Variants in ARID4B observed in about 807,000 individuals in gnomAD.
The protein encoded by ARID4B is AT-rich interaction domain 4B, also known as AT-rich interactive domain-containing protein 4B.
In ARID4B, 26 loss-of-function variants were observed where a neutral mutation model predicts 147.5. That is an observed-to-expected ratio of 0.18 (90% CI 0.13 to 0.24). The LOEUF (loss-of-function observed/expected upper bound fraction) is 0.24. Ranked by LOEUF, ARID4B falls within the 10% of genes least tolerant of loss-of-function variation. ARID4B has a pLI of 1.00. For missense variants in ARID4B, 1,179 were observed against 1,511.5 expected (o/e 0.78, Z 3.65); for synonymous variants, 512 against 507.9 (o/e 1.01, Z -0.11).
rs1668207149 is a variant in ARID4B at position 235,231,193 on chromosome 1, TA to T, written c.666-5del. 3.3e-6 allele frequency: 5 copies of T among 1,522,968 alleles called. No homozygotes were observed. The highest frequency in any genetic ancestry group is 3.5e-6 in the Non-Finnish European group (4 of 1,128,762). 94.3% of individuals were successfully genotyped at this position (1,522,968 alleles called of 1,614,324 possible). On this transcript the variant is annotated splice_polypyrimidine_tract_variant and splice_region_variant and intron_variant, in intron 9 of 23. Transcript: ENST00000264183. ...ATCTTTTCTTGGAACTGAAGTACTA[TA>T]TATTTTTTTTAATTATAAGAGAAGA...
chr1:235,243,742 G>C (rs1269343862), intron 7 of ARID4B, among the ~76,000 whole-genome samples: 2 of 152,118 alleles, frequency 1.3e-5, no homozygotes, highest in African/African-American at 4.8e-5. Flanking sequence ...AGGCAAATCA[G>C]TTTACTCAGT....
At chr1:235,262,904 A>G (rs1347511524) in intron 2 of ARID4B, among the ~76,000 whole-genome samples, 1 of 152,370 alleles carries the variant, frequency 6.6e-6, no homozygotes, top group African/African-American at 2.4e-5. Context: ...CATAAAATGT[A>G]CATCAATTCA....
At position 235,325,204 on chromosome 1, in the gene ARID4B, G is replaced by T. The variant is rs148369359; in HGVS notation, c.6+1710C>A. On this transcript the variant is annotated intron_variant, in intron 2 of 23. Coordinates refer to ENST00000264183, the MANE Select transcript of ARID4B (RefSeq NM_016374.6). Reference sequence around the variant, plus strand: ...ATTTTAGTAACTTTTTCCTTTTAACGTTAAAAGCACCTTTTTAAAAAATGC... The same window carrying T: ...ATTTTAGTAACTTTTTCCTTTTAACTTTAAAAGCACCTTTTTAAAAAATGC... 5.6e-3 allele frequency among the ~76,000 whole-genome samples: 854 copies of T among 152,018 alleles called. 8 individuals are homozygous for T. The highest frequency in any genetic ancestry group is 0.02 in the African/African-American group (811 of 41,472).
intron 9 of ARID4B, 141 bp downstream of exon 9, chr1:235,234,272 T>C: frequency 1.7e-6 from 1 of 603,820 alleles, no homozygotes; most frequent in East Asian, 3.1e-5. Flanking sequence ...TGAAAAACAG[T>C]GACTCTTTGA....
At chr1:235,269,495 TA>T (rs1670830137) in intron 2 of ARID4B, among the ~76,000 whole-genome samples, 1 of 152,230 alleles carries the variant, frequency 6.6e-6, no homozygotes, top group Non-Finnish European at 1.5e-5. Context: ...AAGTTGAAGT[TA>T]TTCTGTTCTA....
At chr1:235,265,122 T>C (rs1209925729) in intron 2 of ARID4B, among the ~76,000 whole-genome samples, 1 of 150,672 alleles carries the variant, frequency 6.6e-6, no homozygotes, top group Non-Finnish European at 1.5e-5. Flanking sequence ...TCCCAGCACT[T>C]TGGGAGGCTG....
At chr1:235,274,037 T>C (rs1671153092) in intron 2 of ARID4B, among the ~76,000 whole-genome samples, 2 of 152,164 alleles carry the variant, frequency 1.3e-5, no homozygotes, top group South Asian at 4.1e-4. Context: ...AAACTGAAAT[T>C]ATACTAGTTT....
intron 2 of ARID4B, among the ~76,000 whole-genome samples, chr1:235,319,188 C>G (rs1168326468): frequency 6.6e-6 from 1 of 152,172 alleles, no homozygotes; most frequent in African/African-American, 2.4e-5. Flanking sequence ...GATGCACAAA[C>G]TTGTGAAAAT....
intron 2 of ARID4B, among the ~76,000 whole-genome samples, chr1:235,308,719 C>T (rs1413759553): frequency 2.0e-5 from 3 of 152,172 alleles, no homozygotes. Context: ...GCGAGTGATC[C>T]GCCAGCCTCA....
At chr1:235,181,105 G>A (rs549051792) in intron 20 of ARID4B, 100 of 1,019,192 alleles carry the variant, frequency 9.8e-5, no homozygotes, top group South Asian at 2.3e-4. Flanking sequence ...AGTTTGACAC[G>A]GTTGTCTGAG....
chr1:235,326,944 T>G lies in ARID4B; in HGVS notation c.-25A>C. 1 of 1,613,500 alleles carries G rather than the reference T, an allele frequency of 6.2e-7. No individual in the cohort carries two copies. The highest frequency in any genetic ancestry group is 8.5e-7 in the Non-Finnish European group (1 of 1,179,574). ...TGATGACTCTGGGACCAAGGTATCC[T>G]CTAAAACACCAGGTTCAGCTGCACC... On this transcript the variant is annotated 5_prime_UTR_variant, in exon 2 of 24. Transcript: ENST00000264183.
chr1:235,285,080 A>G (rs530024826), intron 2 of ARID4B, among the ~76,000 whole-genome samples: 3 of 152,132 alleles, frequency 2.0e-5, no homozygotes, highest in Non-Finnish European at 4.4e-5. Flanking sequence ...AACCCAGCTG[A>G]CTTTTTTTAA....
intron 17 of ARID4B, among the ~76,000 whole-genome samples, chr1:235,204,001 A>G (rs1054480994): frequency 1.3e-5 from 2 of 152,190 alleles, no homozygotes. Context: ...CTACAATAAA[A>G]TGAAACAAAA....
At position 235,228,807 on chromosome 1, in the gene ARID4B, G is replaced by A. The variant is rs181152129; in HGVS notation, c.897+424C>T. 105 of 157,810 alleles carry A rather than the reference G, an allele frequency of 6.7e-4. 3 individuals carry two copies. The highest frequency in any genetic ancestry group is 3.5e-3 in the Admixed American group (55 of 15,650). The allele number at this position is 157,810 out of a possible 1,614,324, so 9.8% of individuals were successfully genotyped here. On this transcript the variant is annotated intron_variant, in intron 11 of 23. Transcript: ENST00000264183. ...ACTACAGGTGCCCACCACCACCCCC[G>A]GCTAATTTTTTGTATTTTTAGTAAA...
chr1:235,266,612 A>G (rs1289007730), intron 2 of ARID4B, among the ~76,000 whole-genome samples: 1 of 152,232 alleles, frequency 6.6e-6, no homozygotes, highest in Middle Eastern at 3.2e-3. Context: ...CCATGGGAAC[A>G]CTAAAAAGCA....
intron 2 of ARID4B, among the ~76,000 whole-genome samples, chr1:235,313,634 T>C (rs1674234727): frequency 6.6e-6 from 1 of 152,190 alleles, no homozygotes; most frequent in African/African-American, 2.4e-5. Flanking sequence ...AGAAAATAAG[T>C]ATCTTCAGTA....
chr1:235,201,623 G>A (rs1394309509), intron 17 of ARID4B, among the ~76,000 whole-genome samples: 2 of 152,006 alleles, frequency 1.3e-5, no homozygotes, highest in African/African-American at 4.8e-5. Flanking sequence ...CGCATCTGGC[G>A]GAATACAATA....
chr1:235,291,711 C>T (rs1672351118), intron 2 of ARID4B, among the ~76,000 whole-genome samples: 1 of 151,912 alleles, frequency 6.6e-6, no homozygotes, highest in African/African-American at 2.4e-5. Context: ...GCCCGGGTGA[C>T]ATAGCAAGAC....
At chr1:235,264,929 G>A (rs1335515955) in intron 2 of ARID4B, among the ~76,000 whole-genome samples, 1 of 151,654 alleles carries the variant, frequency 6.6e-6, no homozygotes, top group Non-Finnish European at 1.5e-5. Flanking sequence ...GCATGGTGGC[G>A]GGCGCCTGTA....
Sources: allele counts gnomAD v4.1 joint callset (sites outside exome capture counted in the v4.1 genomes callset), GRCh38; gene constraint gnomAD v4.1.1; transcripts MANE v1.5; gene names NCBI Gene and HGNC (gene_info 2026-07-23, HGNC 2026-07-21).